Variants in RBM47 observed in about 807,000 individuals in gnomAD.
The protein encoded by RBM47 is RNA-binding protein 47.
Under a neutral mutation model 47.1 loss-of-function variants are expected in RBM47, and 21 were observed. The ratio of observed to expected loss-of-function variants is 0.45; its 90% CI spans 0.32 to 0.64. The LOEUF is 0.64. RBM47 is among the 30% of genes least tolerant of loss of function. The probability of loss-of-function intolerance (pLI) is 0.05; values close to 1 mark genes in which losing one functional copy is unlikely to be tolerated. For missense variants in RBM47, 708 were observed against 870.9 expected (o/e 0.81, Z 2.35); for synonymous variants, 375 against 361.7 (o/e 1.04, Z -0.42).
chr4:40,432,203 T>TACACAC lies in RBM47; in HGVS notation c.1542+442_1542+447dup, dbSNP rs61008905. The stretch of plus-strand genomic sequence containing the variant: ...TGTTCTTTCTCTCTCTCTCTCTCTT[T>TACACAC]ACACACACACACACACACACACACA... On this transcript the variant is annotated intron_variant, in intron 6 of 6. Transcript: ENST00000295971. Among the ~76,000 whole-genome samples the TACACAC allele has an allele frequency of 5.6e-3, 823 of 147,820 alleles. 7 individuals are homozygous for TACACAC. Among genetic ancestry groups the TACACAC allele is most frequent in the African/African-American group, 0.019 (767 of 39,716 alleles).
At chr4:40,491,984 C>T (rs1267281060) in intron 2 of RBM47, 1 of 154,202 alleles carries the variant, frequency 6.5e-6, no homozygotes, top group South Asian at 2.0e-4. Context: ...AAGAACAACA[C>T]ATAAACCCAA....
rs575592286 is a variant in RBM47, at chr4:40,433,627, C to T, written c.1331-765G>A. ...TACTCACCTCACTCATTACCAGCCG[C>T]ACTGCCTTTTTTTCACTTTCACCAC... On this transcript the variant is annotated intron_variant, in intron 5 of 6. Transcript: ENST00000295971. Among the ~76,000 whole-genome samples, 3 of 152,246 alleles carry T rather than the reference C, an allele frequency of 2.0e-5. No individual in the cohort carries two copies. The South Asian group carries it at 6.2e-4, about 32-fold the overall frequency.
intron 2 of RBM47, among the ~76,000 whole-genome samples, chr4:40,470,013 A>G (rs996522132): frequency 6.6e-5 from 10 of 152,204 alleles, no homozygotes; most frequent in Non-Finnish European, 1.5e-4. Context: ...GTGGCTTCAC[A>G]TTCCTCCTGA....
intron 1 of RBM47, among the ~76,000 whole-genome samples, chr4:40,624,523 C>T (rs1737551948): frequency 6.6e-6 from 1 of 152,212 alleles, no homozygotes; most frequent in African/African-American, 2.4e-5. Flanking sequence ...CCATAACCAC[C>T]TCATTCTTCC....
intron 2 of RBM47, among the ~76,000 whole-genome samples, chr4:40,481,445 GTATTATTATTAT>G (rs71647001): frequency 0.059 from 7,424 of 126,872 alleles, 449 homozygotes; most frequent in African/African-American, 0.15. Context: ...GCTAATTTTT[GTATTATTATTAT>G]TATTATTATT....
intron 2 of RBM47, among the ~76,000 whole-genome samples, chr4:40,515,435 A>AG (rs1348618646): frequency 6.6e-6 from 1 of 152,196 alleles, no homozygotes; most frequent in African/African-American, 2.4e-5. Context: ...CTCGCTAAAA[A>AG]GAGACCAAGA....
chr4:40,507,584 C>T (rs1404579782), intron 2 of RBM47, among the ~76,000 whole-genome samples: 5 of 152,106 alleles, frequency 3.3e-5, no homozygotes, highest in African/African-American at 4.8e-5. Flanking sequence ...GTCAGGAATT[C>T]AAGACCAGCC....
chr4:40,448,298 T>TGA (rs1333438281), intron 3 of RBM47, among the ~76,000 whole-genome samples: 1 of 149,254 alleles, frequency 6.7e-6, no homozygotes, highest in East Asian at 1.9e-4. Context: ...TGTGTGTGTT[T>TGA]GAGTGTGTGT....
At chr4:40,471,052 C>G (rs1450613439) in intron 2 of RBM47, among the ~76,000 whole-genome samples, 6 of 152,070 alleles carry the variant, frequency 3.9e-5, no homozygotes, top group African/African-American at 1.4e-4. Flanking sequence ...CAGAACCTTT[C>G]TTAAGATAAA....
chr4:40,527,949 G>C (rs1325225569), intron 2 of RBM47, among the ~76,000 whole-genome samples: 18 of 152,132 alleles, frequency 1.2e-4, no homozygotes, highest in Non-Finnish European at 2.6e-4. Flanking sequence ...GAAGGGGCCA[G>C]AAACTTGTTT....
At chr4:40,515,995 A>G (rs533210646) in intron 2 of RBM47, 3 of 152,404 alleles carry the variant, frequency 2.0e-5, no homozygotes, top group East Asian at 3.9e-4. Context: ...TAGGGTGGGT[A>G]CCATAAATGA....
chr4:40,434,698 A>C (rs1175963710), intron 5 of RBM47, among the ~76,000 whole-genome samples: 2 of 79,708 alleles, frequency 2.5e-5, no homozygotes, highest in African/African-American at 5.6e-5. Flanking sequence ...GAATTTTTAC[A>C]CAGGCAAAAA....
Position 40,583,880 on chromosome 4 carries a change from AAAAAC to A in RBM47, c.-239-39379_-239-39375del, listed in dbSNP as rs1733275343. 3.4e-5 allele frequency among the ~76,000 whole-genome samples: 2 copies of A among 58,912 alleles called. 1 individual carries two copies. The highest frequency in any genetic ancestry group is 1.3e-4 in the African/African-American group (2 of 14,844). The allele number at this position is 58,912 out of a possible 152,430, so 38.6% of individuals were successfully genotyped here. A position where few individuals can be genotyped will look rare whatever the true frequency, so the allele number is the denominator to read the frequency against. On this transcript the variant is annotated intron_variant, in intron 1 of 6. Transcript: ENST00000295971. ...CTCAAAAAAAAAAAAACAAAAAACA[AAAAAC>A]AAAAAAACCAAAAAGCAGAATGATT...
intron 5 of RBM47, 55 bp downstream of exon 5, chr4:40,436,386 A>G (rs1434709016): frequency 1.8e-5 from 27 of 1,538,112 alleles, no homozygotes; most frequent in Non-Finnish European, 2.3e-5. Flanking sequence ...CACTTCAAAC[A>G]GAAGGGCTGG....
At chr4:40,445,059 G>A (rs976545650) in intron 3 of RBM47, among the ~76,000 whole-genome samples, 2 of 151,992 alleles carry the variant, frequency 1.3e-5, no homozygotes, top group Non-Finnish European at 2.9e-5. Flanking sequence ...CGGATCACAA[G>A]GTCAGGAGAT....
intron 2 of RBM47, among the ~76,000 whole-genome samples, chr4:40,503,419 G>T (rs756542875): frequency 6.6e-6 from 1 of 152,120 alleles, no homozygotes; most frequent in Non-Finnish European, 1.5e-5. Context: ...AGGAGGAGTG[G>T]GTACCAGCAA....
intron 2 of RBM47, among the ~76,000 whole-genome samples, chr4:40,528,078 C>T (rs1726927440): frequency 6.6e-6 from 1 of 152,148 alleles, no homozygotes; most frequent in African/African-American, 2.4e-5. Context: ...GTTAGGTGCA[C>T]TAAGGTTACA....
At chr4:40,465,091 GCTCT>G (rs938523878) in intron 3 of RBM47, among the ~76,000 whole-genome samples, 1 of 151,750 alleles carries the variant, frequency 6.6e-6, no homozygotes, top group African/African-American at 2.4e-5. Flanking sequence ...AAAAAATTTT[GCTCT>G]CTGAGTCCCT....
At chr4:40,503,322 A>T (rs1435552369) in intron 2 of RBM47, among the ~76,000 whole-genome samples, 1 of 152,202 alleles carries the variant, frequency 6.6e-6, no homozygotes, top group African/African-American at 2.4e-5. Flanking sequence ...CATTGGGAAG[A>T]GTAGGTGTAC....
Sources: allele counts gnomAD v4.1 joint callset (sites outside exome capture counted in the v4.1 genomes callset), GRCh38; gene constraint gnomAD v4.1.1; transcripts MANE v1.5; gene names NCBI Gene and HGNC (gene_info 2026-07-23, HGNC 2026-07-21).